The following BEST1 variants were observed in gnomAD, a reference collection of about 807,000 sequenced individuals.
BEST1 encodes bestrophin-1.
In BEST1, 58 loss-of-function variants were observed where a neutral mutation model predicts 63.3. That is an observed-to-expected ratio of 0.92 (90% confidence interval 0.74 to 1.14). BEST1 has a LOEUF of 1.14. BEST1 is among the 50% of genes most tolerant of loss of function. The pLI, the probability that BEST1 is intolerant of heterozygous loss-of-function variation, is 0.00. For synonymous variants in BEST1, 283 were observed against 291.6 expected, an observed-to-expected ratio of 0.97 and a Z score of 0.30; for missense variants, 671 against 740.1, an observed-to-expected ratio of 0.91 and a Z score of 1.08.
rs281865283 is a variant in BEST1 at position 61,962,835 on chromosome 11, A to G, written c.1681A>G (p.Thr561Ala). Residue 561 changes from threonine to alanine, a missense_variant, in exon 10 of 11, where the codon ACC (threonine) becomes GCC (alanine). Thr to Ala is a moderately conservative substitution (Grantham distance 58, BLOSUM62 0). Transcript: ENST00000378043. ...CAAAGAACCTTTGGAACAATCACCA[A>G]CCAACATACACACTACACTCAAAGA... The part of the protein sequence containing the change: ...HLKEPLEQSP[T>A]NIHTTLKDHM... The G allele has an allele frequency of 1.9e-6, 3 of 1,614,088 alleles. No individual in the cohort carries two copies. The highest frequency in any genetic ancestry group is 1.7e-6 in the Non-Finnish European group (2 of 1,179,998).
intron 2 of BEST1, 76 bp from the exon 3 acceptor site, chr11:61,955,031 C>T: frequency 6.3e-7 from 1 of 1,593,106 alleles, no homozygotes. Flanking sequence ...CTACCCAGGG[C>T]CGGGCTAGAC....
At chr11:61,963,592 T>C in intron 10 of BEST1, 1 of 1,025,136 alleles carries the variant, frequency 9.8e-7, no homozygotes, top group African/African-American at 1.7e-5. Context: ...TAACTTCCCT[T>C]TTCTGGATTC....
chr11:61,955,134 G>T lies in BEST1; in HGVS notation c.180G>T (p.Leu60=). The T allele has an allele frequency of 6.2e-7, 1 of 1,612,748 alleles. No individual in the cohort carries two copies. The highest frequency in any genetic ancestry group is 1.1e-5 in the South Asian group (1 of 91,060). ...TGGCCCTCACGGAAGAACAACAGCT[G>T]ATGTTTGAGAAACTGACTCTGTATT... ...YRLALTEEQQ[L]MFEKLTLYCD... The change falls in exon 3 of 11, where the codon CTG becomes CTT. Residue 60 remains leucine (L), a synonymous_variant. Coordinates refer to ENST00000378043, the MANE Select transcript of BEST1 (RefSeq NM_004183.4).
At chr11:61,960,961 C>T (rs1942004691) in intron 9 of BEST1, 1 of 152,170 alleles carries the variant, frequency 6.6e-6, no homozygotes, top group Non-Finnish European at 1.5e-5. Context: ...GGGCACATGT[C>T]AGGGTTCATA....
At position 61,962,685 on chromosome 11, in the gene BEST1, A is replaced by G; in HGVS notation, c.1531A>G (p.Lys511Glu). ...AAAGACTGTGAGTTCTGGGGCCAAG[A>G]AAAGTTTTGAATTGCTCTCAGAGAG... The part of the protein sequence containing the change: ...SLKTVSSGAK[K>E]SFELLSESDG... The change falls in exon 10 of 11, where the codon AAA becomes GAA. Residue 511 changes from lysine (K) to glutamate (E), a missense_variant. Lys to Glu is a moderately conservative substitution (Grantham distance 56). Coordinates refer to ENST00000378043, the MANE Select transcript of BEST1 (RefSeq NM_004183.4). 6.2e-7 allele frequency: 1 copy of G among 1,614,180 alleles called. No individual in the cohort carries two copies. Among genetic ancestry groups the G allele is most frequent in the Middle Eastern group, 1.6e-4 (1 of 6,062 alleles).
intron 1 of BEST1, among the ~76,000 whole-genome samples, chr11:61,951,110 G>A (rs1226181996): frequency 1.3e-5 from 2 of 152,210 alleles, no homozygotes; most frequent in East Asian, 1.9e-4. Flanking sequence ...GGGAGCTAAC[G>A]AACAAGATGG....
chr11:61,961,532 T>A (rs1252922906), intron 9 of BEST1: 1 of 152,816 alleles, frequency 6.5e-6, no homozygotes, highest in Non-Finnish European at 1.5e-5. Flanking sequence ...AACAGAACGA[T>A]AAAGCATAGA....
intron 10 of BEST1, chr11:61,963,855 A>AAC (rs1942326645): frequency 7.6e-7 from 1 of 1,320,526 alleles, no homozygotes; most frequent in Non-Finnish European, 9.8e-7. Context: ...AAAAATACAA[A>AAC]TCAGCTGGGC....
chr11:61,963,332 C>T (rs757953851), intron 10 of BEST1: 38 of 1,316,758 alleles, frequency 2.9e-5, no homozygotes, highest in Non-Finnish European at 3.6e-5. Flanking sequence ...GGGTAGTACC[C>T]AAGCACTACA....
chr11:61,964,675 C>T, downstream of BEST1: 2 of 1,580,830 alleles, frequency 1.3e-6, no homozygotes, highest in Non-Finnish European at 1.7e-6. Context: ...GCATGCACTG[C>T]CTTGGTGACC....
At chr11:61,954,903 G>A in intron 2 of BEST1, 1 of 985,432 alleles carries the variant, frequency 1.0e-6, no homozygotes, top group Non-Finnish European at 1.2e-6. Flanking sequence ...AACCACTGGA[G>A]GGGGCCTCCT....
At position 61,962,701 on chromosome 11, in the gene BEST1, TCTC is replaced by T; in HGVS notation, c.1548_1550del (p.Ser517del). ...GGGGCCAAGAAAAGTTTTGAATTGC[TCTC>T]AGAGAGCGATGGGGCCTTGATGGAG... On this transcript the variant is annotated inframe_deletion, in exon 10 of 11. Coordinates refer to ENST00000378043, the MANE Select transcript of BEST1 (RefSeq NM_004183.4). 1 of 1,614,184 alleles carries T rather than the reference TCTC, an allele frequency of 6.2e-7. No individual in the cohort carries two copies. The highest frequency in any genetic ancestry group is 8.5e-7 in the Non-Finnish European group (1 of 1,180,042).
Position 61,964,178 on chromosome 11 carries a change from G to GC in BEST1, c.*57dup. The GC allele has an allele frequency of 6.2e-7, 1 of 1,612,272 alleles. No individual in the cohort carries two copies. The highest frequency in any genetic ancestry group is 8.5e-7 in the Non-Finnish European group (1 of 1,179,518). ...CAGGTCCTCACCTGTGTGTACACCAGCAGGACACTGATCCAGTCACAGCCA... is the reference window on the plus strand; with the variant it reads ...CAGGTCCTCACCTGTGTGTACACCAGCCAGGACACTGATCCAGTCACAGCCA... On this transcript the variant is annotated 3_prime_UTR_variant, in exon 11 of 11. Transcript: ENST00000378043.
chr11:61,953,792 G>A (rs756750150), intron 2 of BEST1, among the ~76,000 whole-genome samples: 8 of 151,712 alleles, frequency 5.3e-5, no homozygotes, highest in Admixed American at 1.3e-4. Flanking sequence ...AGGCTGAAGC[G>A]GGAGGATTGC....
intron 2 of BEST1, among the ~76,000 whole-genome samples, chr11:61,954,482 T>C (rs533659843): frequency 5.5e-4 from 83 of 152,276 alleles, no homozygotes; most frequent in African/African-American, 1.9e-3. Context: ...TGTTTCTTTT[T>C]TTCTTTTTAG....
chr11:61,954,550 C>T (rs1326979896), intron 2 of BEST1, among the ~76,000 whole-genome samples: 3 of 152,186 alleles, frequency 2.0e-5, no homozygotes, highest in African/African-American at 2.4e-5. Flanking sequence ...CAGCCCATTG[C>T]AGCCTCCAAC....
rs776011957 is a variant in BEST1, at chr11:61,956,947, G to A, written c.585G>A (p.Ala195=). 53 of 1,614,024 alleles carry A rather than the reference G, an allele frequency of 3.3e-5. No homozygotes were observed. In the South Asian group the frequency reaches 4.2e-4, roughly 13 times the overall value. Reference sequence around the variant, plus strand: ...GGTTTGCCAACCTGTCAATGAAGGCGTGGCTTGGAGGTCGAATCCGGGACC... The same window carrying A: ...GGTTTGCCAACCTGTCAATGAAGGCATGGCTTGGAGGTCGAATCCGGGACC... ...WVWFANLSMK[A]WLGGRIRDPI... The change falls in exon 5 of 11, where the codon GCG becomes GCA. Residue 195 remains alanine, a synonymous_variant. Transcript: ENST00000378043.
intron 5 of BEST1, 39 bp downstream of exon 5, chr11:61,957,037 A>T (rs1941450425): frequency 3.1e-6 from 5 of 1,613,568 alleles, no homozygotes; most frequent in Non-Finnish European, 4.2e-6. Flanking sequence ...GCAGAGTGGG[A>T]AGGGCTGTGG....
chr11:61,961,179 G>A (rs111509315), intron 9 of BEST1: 7,814 of 152,014 alleles, frequency 0.051, 274 homozygotes, highest in Non-Finnish European at 0.075. Flanking sequence ...CACCAAGCCC[G>A]GCTAATTTTT....
Sources: allele counts gnomAD v4.1 joint callset (sites outside exome capture counted in the v4.1 genomes callset), GRCh38; gene constraint gnomAD v4.1.1; transcripts MANE v1.5; gene names NCBI Gene and HGNC (gene_info 2026-07-23, HGNC 2026-07-21).